Variants in MEGF11 observed in about 807,000 individuals in gnomAD.
MEGF11 encodes multiple EGF like domains 11, also known as multiple epidermal growth factor-like domains protein 11.
Under a neutral mutation model 146.6 loss-of-function variants are expected in MEGF11, and 126 were observed. That is an observed-to-expected ratio of 0.86 (90% CI 0.74 to 1.00). The LOEUF (loss-of-function observed/expected upper bound fraction) is 1.00. MEGF11 is among the 50% of genes least tolerant of loss of function. MEGF11 has a pLI of 0.00. For missense variants in MEGF11, 1,509 were observed against 1,521.2 expected (o/e 0.99, Z 0.13); for synonymous variants, 532 against 583.4 (o/e 0.91, Z 1.27).
At chr15:66,042,588 A>G (rs1048756786) in intron 5 of MEGF11, among the ~76,000 whole-genome samples, 12 of 152,178 alleles carry the variant, frequency 7.9e-5, no homozygotes, top group African/African-American at 2.9e-4. Context: ...GGCTTAAAAC[A>G]CAGACATTTA....
chr15:66,185,774 A>C (rs2090679496), intron 1 of MEGF11, among the ~76,000 whole-genome samples: 1 of 152,210 alleles, frequency 6.6e-6, no homozygotes. Context: ...GAACACCAGA[A>C]GCAGAGCCAG....
At position 66,204,940 on chromosome 15, in the gene MEGF11, G is replaced by A. The variant is rs567548811; in HGVS notation, c.-9+48665C>T. On this transcript the variant is annotated intron_variant, in intron 1 of 25. Coordinates refer to ENST00000395614, the MANE Select transcript of MEGF11 (RefSeq NM_001385028.1). ...AGGCCAAAGCAACTAGGAACTTTAA[G>A]CCCCAAGGAACAACATGGTGGTGTG... 2.7e-5 allele frequency among the ~76,000 whole-genome samples: 4 copies of A among 149,392 alleles called. No homozygotes were observed. In the South Asian group the frequency reaches 8.4e-4, roughly 32 times the overall value.
chr15:66,204,119 T>C (rs1334630073), intron 1 of MEGF11, among the ~76,000 whole-genome samples: 1 of 150,426 alleles, frequency 6.6e-6, no homozygotes, highest in Non-Finnish European at 1.5e-5. Context: ...AAAAAGATAA[T>C]AGTCAGATGC....
chr15:65,955,062 T>C (rs2080532830), intron 10 of MEGF11, among the ~76,000 whole-genome samples: 1 of 152,162 alleles, frequency 6.6e-6, no homozygotes, highest in Non-Finnish European at 1.5e-5. Flanking sequence ...AGTTAATAGG[T>C]TCTTCTCTCT....
At chr15:66,030,183 C>T (rs1410220853) in intron 5 of MEGF11, among the ~76,000 whole-genome samples, 1 of 152,194 alleles carries the variant, frequency 6.6e-6, no homozygotes, top group Non-Finnish European at 1.5e-5. Flanking sequence ...ACGTCTGCAA[C>T]TCATATGCTA....
intron 7 of MEGF11, among the ~76,000 whole-genome samples, chr15:65,972,540 C>G (rs1264789357): frequency 1.3e-5 from 2 of 151,866 alleles, no homozygotes; most frequent in African/African-American, 4.8e-5. Context: ...AAGATCTCAT[C>G]TCTACAAAAA....
At chr15:66,084,820 G>A (rs770825957) in intron 5 of MEGF11, among the ~76,000 whole-genome samples, 7 of 152,156 alleles carry the variant, frequency 4.6e-5, no homozygotes, top group South Asian at 2.1e-4. Flanking sequence ...GGGAGGGCAC[G>A]AATCTGCTGT....
intron 1 of MEGF11, among the ~76,000 whole-genome samples, chr15:66,226,823 G>T (rs541128935): frequency 1.5e-3 from 232 of 151,932 alleles, no homozygotes; most frequent in African/African-American, 5.4e-3. Context: ...ACAAACACAC[G>T]TGTGTTCACA....
intron 4 of MEGF11, among the ~76,000 whole-genome samples, chr15:66,098,754 T>G (rs992325472): frequency 6.6e-6 from 1 of 152,222 alleles, no homozygotes; most frequent in Non-Finnish European, 1.5e-5. Flanking sequence ...TGGACCCAAG[T>G]GCCAATTCTG....
chr15:66,025,931 A>G (rs996694738), intron 5 of MEGF11, among the ~76,000 whole-genome samples: 4 of 152,190 alleles, frequency 2.6e-5, no homozygotes, highest in African/African-American at 9.7e-5. Flanking sequence ...ACTTAAAAGG[A>G]GAAAAGGGCA....
intron 4 of MEGF11, among the ~76,000 whole-genome samples, chr15:66,118,359 G>T (rs973283086): frequency 6.6e-6 from 1 of 152,184 alleles, no homozygotes; most frequent in African/African-American, 2.4e-5. Context: ...TCCTGCTCCG[G>T]GGTGCCTCCA....
chr15:66,128,722 C>T (rs181383855), intron 1 of MEGF11, among the ~76,000 whole-genome samples: 3 of 152,176 alleles, frequency 2.0e-5, no homozygotes, highest in African/African-American at 7.2e-5. Context: ...TGCAGGGTGT[C>T]CTCAGGCCCC....
intron 5 of MEGF11, among the ~76,000 whole-genome samples, chr15:66,086,280 C>T (rs2086105066): frequency 6.6e-6 from 1 of 152,150 alleles, no homozygotes; most frequent in Non-Finnish European, 1.5e-5. Context: ...TGTGAGAGAC[C>T]TAGACATCCA....
At chr15:66,099,059 G>C (rs1465768375) in intron 4 of MEGF11, among the ~76,000 whole-genome samples, 1 of 152,136 alleles carries the variant, frequency 6.6e-6, no homozygotes, top group Non-Finnish European at 1.5e-5. Context: ...GTTTTAACAA[G>C]CAGCACTTCC....
chr15:65,933,960 G>C (rs17817198), intron 10 of MEGF11, among the ~76,000 whole-genome samples: 3,789 of 152,294 alleles, frequency 0.025, 71 homozygotes, highest in Non-Finnish European at 0.037. Context: ...CAAGCTATTA[G>C]TGCAAAGATA....
chr15:66,185,818 C>T (rs1162251499), intron 1 of MEGF11, among the ~76,000 whole-genome samples: 1 of 152,134 alleles, frequency 6.6e-6, no homozygotes, highest in African/African-American at 2.4e-5. Context: ...AACTTCAGAG[C>T]CCTGGGCAGT....
At chr15:66,010,318 G>C (rs2082673606) in intron 5 of MEGF11, among the ~76,000 whole-genome samples, 1 of 151,634 alleles carries the variant, frequency 6.6e-6, no homozygotes, top group African/African-American at 2.4e-5. Context: ...TCAGCCTCCT[G>C]AGTAGCTGGG....
rs2079237413 is a variant in MEGF11 at position 65,923,189 on chromosome 15, A to G, written c.1676-220T>C. Among the ~76,000 whole-genome samples, 5 of 152,352 alleles carry G rather than the reference A, an allele frequency of 3.3e-5. No homozygotes were observed. The South Asian group carries it at 1.0e-3, about 32-fold the overall frequency. On this transcript the variant is annotated intron_variant, in intron 13 of 25. Coordinates refer to ENST00000395614, the MANE Select transcript of MEGF11 (RefSeq NM_001385028.1). ...AGTCGAGGAGGAATTGACCAAGCAA[A>G]TGAAATTATATGTACAAAGAGCAGG... is the stretch of plus-strand genomic sequence containing the variant.
At chr15:66,084,381 G>C (rs1196637625) in intron 5 of MEGF11, among the ~76,000 whole-genome samples, 1 of 152,168 alleles carries the variant, frequency 6.6e-6, no homozygotes, top group Non-Finnish European at 1.5e-5. Context: ...TTTAGCTCCA[G>C]ATCAACTGCA....
Sources: gnomAD v4.1 joint callset for allele counts (sites outside exome capture counted in the v4.1 genomes callset) on GRCh38, gnomAD v4.1.1 for gene constraint, MANE v1.5 for transcripts, NCBI Gene and HGNC (gene_info 2026-07-23, HGNC 2026-07-21) for gene names.